STK24: variants seen among roughly 807,000 people sequenced by gnomAD.
STK24 encodes serine/threonine-protein kinase 24.
STK24 carries 21 observed loss-of-function variants against 55.6 expected under a neutral mutation model. That is an observed-to-expected ratio of 0.38 (90% CI 0.27 to 0.54). The LOEUF (loss-of-function observed/expected upper bound fraction) is 0.54. Ranked by LOEUF, STK24 falls within the 20% of genes least tolerant of loss-of-function variation. The pLI, the probability that STK24 is intolerant of heterozygous loss-of-function variation, is 0.79. For missense variants in STK24, 383 were observed against 538.4 expected (o/e 0.71, Z 2.86); for synonymous variants, 200 against 215.2 (o/e 0.93, Z 0.62).
intron 1 of STK24, among the ~76,000 whole-genome samples, chr13:98,540,925 A>C (rs916084371): frequency 1.3e-5 from 2 of 152,100 alleles, no homozygotes; most frequent in Admixed American, 1.3e-4. Flanking sequence ...TTTTACTAGG[A>C]GTCTGAAGAA....
rs1231546826 is a variant in STK24, at chr13:98,445,237, C to T, written c.*7936G>A. Reference sequence around the variant, plus strand: ...AAAATAGCTATACCACAATATTGGCCAACTTAACGATTTTTACGGGAACAA... The same window carrying T: ...AAAATAGCTATACCACAATATTGGCTAACTTAACGATTTTTACGGGAACAA... On this transcript the variant is annotated 3_prime_UTR_variant, in exon 11 of 11. Transcript: ENST00000539966. 2 of 152,260 alleles carry T rather than the reference C, an allele frequency of 1.3e-5. No individual in the cohort carries two copies. The highest frequency in any genetic ancestry group is 4.8e-5 in the African/African-American group (2 of 41,456). 9.4% of individuals were successfully genotyped at this position (152,260 alleles called of 1,614,324 possible). A position where few individuals can be genotyped will look rare whatever the true frequency, so the allele number is the denominator to read the frequency against.
At chr13:98,534,074 T>A (rs1245872771) in intron 1 of STK24, among the ~76,000 whole-genome samples, 1 of 152,128 alleles carries the variant, frequency 6.6e-6, no homozygotes, top group Non-Finnish European at 1.5e-5. Context: ...CACATCCTCC[T>A]CCAACCGCAT....
In STK24 at chr13:98,452,895, G is replaced by A; in HGVS notation, c.*278C>T. On this transcript the variant is annotated 3_prime_UTR_variant, in exon 11 of 11. Transcript: ENST00000539966. The stretch of plus-strand genomic sequence containing the variant: ...TTTTTGTTTTTAAAGACACTTTCCT[G>A]GAATATGTGCACTATGGTTAAAATT... The A allele has an allele frequency of 5.8e-6, 2 of 347,772 alleles. No individual in the cohort carries two copies. The highest frequency in any genetic ancestry group is 1.0e-5 in the Non-Finnish European group (2 of 193,986). The allele number at this position is 347,772 out of a possible 1,614,324, so 21.5% of individuals were successfully genotyped here.
intron 3 of STK24, among the ~76,000 whole-genome samples, chr13:98,479,379 G>T (rs565595216): frequency 6.6e-6 from 1 of 152,018 alleles, no homozygotes; most frequent in Non-Finnish European, 1.5e-5. Flanking sequence ...TTATATTCAT[G>T]GCTCTTAATA....
At chr13:98,471,196 C>T (rs1208500182) in intron 5 of STK24, among the ~76,000 whole-genome samples, 3 of 152,248 alleles carry the variant, frequency 2.0e-5, no homozygotes, top group East Asian at 1.9e-4. Context: ...AGGGCTGGTA[C>T]GCAGTGCAGT....
chr13:98,492,919 A>G (rs1895096870), intron 2 of STK24, among the ~76,000 whole-genome samples: 1 of 151,954 alleles, frequency 6.6e-6, no homozygotes, highest in Non-Finnish European at 1.5e-5. Flanking sequence ...GAACCACAAG[A>G]AAAAAAAATT....
intron 3 of STK24, among the ~76,000 whole-genome samples, chr13:98,477,354 A>G (rs1894415698): frequency 6.6e-6 from 1 of 152,200 alleles, no homozygotes; most frequent in South Asian, 2.1e-4. Flanking sequence ...GGAGTGCAGG[A>G]GAATCCAGTC....
intron 1 of STK24, among the ~76,000 whole-genome samples, chr13:98,525,687 CCGAGCCT>C (rs1023081810): frequency 6.6e-6 from 1 of 152,198 alleles, no homozygotes; most frequent in African/African-American, 2.4e-5. Flanking sequence ...CCCGAGCTCA[CCGAGCCT>C]CGAGCCCCAC....
rs143313488 is a variant in STK24, at chr13:98,559,392, C to T, written c.42+17353G>A. Reference sequence around the variant, plus strand: ...TTATAAAGGGCAGTTCCCCTGCACACGCTCTCTTGCCTGCCGACATGTGAG... The same window carrying T: ...TTATAAAGGGCAGTTCCCCTGCACATGCTCTCTTGCCTGCCGACATGTGAG... On this transcript the variant is annotated intron_variant, in intron 1 of 10. Coordinates refer to ENST00000539966, the MANE Select transcript of STK24 (RefSeq NM_001032296.4). 3.0e-3 allele frequency among the ~76,000 whole-genome samples: 456 copies of T among 152,306 alleles called. 2 individuals are homozygous for T. Among genetic ancestry groups the T allele is most frequent in the African/African-American group, 0.01 (421 of 41,570 alleles).
chr13:98,487,222 C>T (rs889474152), intron 2 of STK24, among the ~76,000 whole-genome samples: 9 of 152,288 alleles, frequency 5.9e-5, no homozygotes, highest in Middle Eastern at 3.4e-3. Flanking sequence ...AACCACTGTC[C>T]TCATAAAACC....
intron 1 of STK24, among the ~76,000 whole-genome samples, chr13:98,564,405 C>T (rs1273654878): frequency 4.6e-5 from 7 of 152,186 alleles, no homozygotes; most frequent in African/African-American, 1.2e-4. Context: ...GGAAGGCAAG[C>T]GGTACTGAGT....
chr13:98,446,490 T>C lies in STK24; in HGVS notation c.*6683A>G, dbSNP rs1892843981. The C allele has an allele frequency of 4.5e-6, 3 of 660,140 alleles. No homozygotes were observed. The Admixed American group carries it at 8.5e-5, about 19-fold the overall frequency. 40.9% of individuals were successfully genotyped at this position (660,140 alleles called of 1,614,324 possible). On this transcript the variant is annotated 3_prime_UTR_variant, in exon 11 of 11. Transcript: ENST00000539966. The stretch of plus-strand genomic sequence containing the variant: ...ATCTACAGCTCAGTCCTGGCGGGAC[T>C]TGCCACCCGGGCCATCACGTACAGG...
chr13:98,554,518 T>G (rs1273605718), intron 1 of STK24, among the ~76,000 whole-genome samples: 1 of 152,166 alleles, frequency 6.6e-6, no homozygotes, highest in African/African-American at 2.4e-5. Flanking sequence ...CCAAAATCCC[T>G]TTCCCCATTA....
intron 2 of STK24, among the ~76,000 whole-genome samples, chr13:98,513,309 C>A (rs1193003958): frequency 3.3e-5 from 5 of 152,230 alleles, no homozygotes; most frequent in Admixed American, 3.3e-4. Flanking sequence ...AACACCATTA[C>A]TTAAACCTAT....
At chr13:98,524,306 C>T (rs1896356417) in intron 1 of STK24, among the ~76,000 whole-genome samples, 1 of 152,014 alleles carries the variant, frequency 6.6e-6, no homozygotes, top group African/African-American at 2.4e-5. Flanking sequence ...CCTGTGGTTC[C>T]TGTGCTGGTG....
At position 98,453,049 on chromosome 13, in the gene STK24, C is replaced by T. The variant is rs1226402986; in HGVS notation, c.*124G>A. 3.6e-6 allele frequency: 4 copies of T among 1,116,190 alleles called. No individual in the cohort carries two copies. The highest frequency in any genetic ancestry group is 5.2e-6 in the Non-Finnish European group (4 of 767,086). 69.1% of individuals were successfully genotyped at this position (1,116,190 alleles called of 1,614,324 possible). A position where few individuals can be genotyped will look rare whatever the true frequency, so the allele number is the denominator to read the frequency against. On this transcript the variant is annotated 3_prime_UTR_variant, in exon 11 of 11. Coordinates refer to ENST00000539966, the MANE Select transcript of STK24 (RefSeq NM_001032296.4). ...TGTGTCCCTGGACGGGCGCCTGGCG[C>T]TGGGGTGGCTCCCAGTGGCGCACCT...
chr13:98,543,615 G>C (rs898846293), intron 1 of STK24, among the ~76,000 whole-genome samples: 2 of 152,168 alleles, frequency 1.3e-5, no homozygotes, highest in South Asian at 2.1e-4. Flanking sequence ...AGAATACAGA[G>C]AGAGGGGAGG....
intron 1 of STK24, among the ~76,000 whole-genome samples, chr13:98,574,024 T>A (rs546295588): frequency 1.8e-4 from 27 of 152,296 alleles, no homozygotes; most frequent in Admixed American, 1.4e-3. Flanking sequence ...TTTTATTTTT[T>A]TTTTTGAGAC....
Position 98,478,817 on chromosome 13 carries a change from C to T in STK24, c.330+3448G>A, listed in dbSNP as rs1298945851. 3.3e-5 allele frequency among the ~76,000 whole-genome samples: 5 copies of T among 152,046 alleles called. No homozygotes were observed. In the East Asian group the frequency reaches 7.7e-4, roughly 23 times the overall value. ...GGATTCTCTGGCAACACTGGCTGAT[C>T]TTTTAATCAGCTAAAACCTTCTGGT... On this transcript the variant is annotated intron_variant, in intron 3 of 10. Coordinates refer to ENST00000539966, the MANE Select transcript of STK24 (RefSeq NM_001032296.4).
Sources: allele counts gnomAD v4.1 joint callset (sites outside exome capture counted in the v4.1 genomes callset), GRCh38; gene constraint gnomAD v4.1.1; transcripts MANE v1.5; gene names NCBI Gene and HGNC (gene_info 2026-07-23, HGNC 2026-07-21).